The following SLC24A2 variants were observed in gnomAD, a reference collection of about 807,000 sequenced individuals.
SLC24A2 encodes solute carrier family 24 member 2, also known as sodium/potassium/calcium exchanger 2.
A neutral mutation model predicts 62.0 loss-of-function variants in SLC24A2; 36 were observed. That is an observed-to-expected ratio of 0.58 (90% CI 0.44 to 0.77). SLC24A2 has a LOEUF of 0.77. Ranked by LOEUF, SLC24A2 falls within the 30% of genes least tolerant of loss-of-function variation. The probability of loss-of-function intolerance (pLI) is 0.00; values close to 1 mark genes in which losing one functional copy is unlikely to be tolerated. For synonymous variants in SLC24A2, 358 were observed against 294.0 expected (o/e 1.22, Z -2.23); for missense variants, 846 against 817.9 (o/e 1.03, Z -0.42).
chr9:19,681,621 T>C (rs1191558438), intron 2 of SLC24A2, among the ~76,000 whole-genome samples: 3 of 152,188 alleles, frequency 2.0e-5, no homozygotes, highest in Non-Finnish European at 1.5e-5. Context: ...GGGATTTCCA[T>C]GTCTCCATCT....
intron 9 of SLC24A2, among the ~76,000 whole-genome samples, chr9:19,525,511 C>T (rs953649279): frequency 6.7e-6 from 1 of 149,514 alleles, no homozygotes; most frequent in African/African-American, 2.5e-5. Context: ...TCAAATGATC[C>T]TCCCCACTCA....
At chr9:20,078,955 T>C in the SLC24A2 span, among the ~76,000 whole-genome samples, 3 of 152,224 alleles carry the variant, frequency 2.0e-5, no homozygotes, top group South Asian at 4.1e-4. Context: ...TTGTAGTGGA[T>C]TGAATGGTGA....
chr9:20,090,399 T>C, the SLC24A2 span, among the ~76,000 whole-genome samples: 11 of 152,076 alleles, frequency 7.2e-5, no homozygotes, highest in Admixed American at 3.9e-4. Flanking sequence ...CAAGTTGCGA[T>C]CTACAGCCAG....
the SLC24A2 span, among the ~76,000 whole-genome samples, chr9:19,942,649 A>T: frequency 6.6e-6 from 1 of 152,214 alleles, no homozygotes; most frequent in African/African-American, 2.4e-5. Flanking sequence ...AGTATTTAGC[A>T]GCAAGAAGAT....
the SLC24A2 span, among the ~76,000 whole-genome samples, chr9:19,933,860 C>G: frequency 6.6e-6 from 1 of 152,140 alleles, no homozygotes; most frequent in African/African-American, 2.4e-5. Context: ...GTGAAAGATG[C>G]CAGGCACAAA....
At chr9:19,955,867 T>G in the SLC24A2 span, among the ~76,000 whole-genome samples, 2 of 152,220 alleles carry the variant, frequency 1.3e-5, no homozygotes, top group Non-Finnish European at 1.5e-5. Flanking sequence ...TAGCTTCCTT[T>G]TATCTGTACC....
chr9:19,771,218 C>T (rs1022955951), intron 2 of SLC24A2, among the ~76,000 whole-genome samples: 1 of 152,158 alleles, frequency 6.6e-6, no homozygotes, highest in Non-Finnish European at 1.5e-5. Flanking sequence ...ATTTTTAGCC[C>T]AGTTTATGAT....
the SLC24A2 span, among the ~76,000 whole-genome samples, chr9:20,220,696 A>G: frequency 2.6e-5 from 4 of 152,170 alleles, no homozygotes; most frequent in South Asian, 8.3e-4. Context: ...TGCATGTCTC[A>G]TCTCCTAACT....
chr9:20,064,006 C>T, the SLC24A2 span, among the ~76,000 whole-genome samples: 1 of 152,088 alleles, frequency 6.6e-6, no homozygotes, highest in Non-Finnish European at 1.5e-5. Flanking sequence ...AAAACATATG[C>T]ACAAAGATTT....
At chr9:19,826,891 C>T in the SLC24A2 span, among the ~76,000 whole-genome samples, 1 of 152,146 alleles carries the variant, frequency 6.6e-6, no homozygotes. Flanking sequence ...AGTGAATCTC[C>T]TCCTGGTTCC....
At chr9:19,722,650 A>G (rs1821060345) in intron 2 of SLC24A2, among the ~76,000 whole-genome samples, 1 of 51,724 alleles carries the variant, frequency 1.9e-5, no homozygotes, top group Non-Finnish European at 3.4e-5. Context: ...GTTAAGAAAT[A>G]GGATATTAAA....
intron 2 of SLC24A2, among the ~76,000 whole-genome samples, chr9:19,631,898 T>C (rs1353888667): frequency 6.6e-6 from 1 of 152,210 alleles, no homozygotes; most frequent in African/African-American, 2.4e-5. Flanking sequence ...ATTGGACCTG[T>C]ACTACTAATG....
At chr9:20,210,656 T>C in the SLC24A2 span, among the ~76,000 whole-genome samples, 387 of 40,634 alleles carry the variant, frequency 9.5e-3, 5 homozygotes, top group Non-Finnish European at 0.021. Flanking sequence ...TTTTTTTTTT[T>C]TTTTTTTTTT....
chr9:19,633,564 T>G (rs1321232443), intron 2 of SLC24A2, among the ~76,000 whole-genome samples: 1 of 152,236 alleles, frequency 6.6e-6, no homozygotes, highest in African/African-American at 2.4e-5. Context: ...AGACAGTGTC[T>G]CACTATGTTG....
At chr9:20,085,905 C>T in the SLC24A2 span, among the ~76,000 whole-genome samples, 1 of 151,690 alleles carries the variant, frequency 6.6e-6, no homozygotes, top group Non-Finnish European at 1.5e-5. Context: ...TTTTTTTTCC[C>T]TCCAATTTAA....
At chr9:19,758,061 T>A (rs1430631768) in intron 2 of SLC24A2, among the ~76,000 whole-genome samples, 4 of 152,090 alleles carry the variant, frequency 2.6e-5, no homozygotes, top group Admixed American at 6.6e-5. Context: ...TAAATAAACT[T>A]TTTTTCTTTA....
chr9:19,628,721 G>C (rs7857251), intron 2 of SLC24A2, among the ~76,000 whole-genome samples: 4,828 of 152,252 alleles, frequency 0.032, 170 homozygotes, highest in African/African-American at 0.085. Context: ...ACGGGTCTAA[G>C]ACAGGAGGTG....
At chr9:19,754,684 A>C (rs2118826278) in intron 2 of SLC24A2, among the ~76,000 whole-genome samples, 1 of 151,348 alleles carries the variant, frequency 6.6e-6, no homozygotes, top group South Asian at 2.1e-4. Context: ...GTGTTTTGTA[A>C]CTAGGATCCT....
chr9:19,888,885 C>G, the SLC24A2 span, among the ~76,000 whole-genome samples: 60,480 of 152,058 alleles, frequency 0.4, 12,706 homozygotes, highest in East Asian at 0.86. Context: ...CTGGAATCCA[C>G]AAGCACAAAT....
Sources: allele counts gnomAD v4.1 joint callset (sites outside exome capture counted in the v4.1 genomes callset), GRCh38; gene constraint gnomAD v4.1.1; transcripts MANE v1.5; gene names NCBI Gene and HGNC (gene_info 2026-07-23, HGNC 2026-07-21).